SLC31A1: variants seen among roughly 807,000 people sequenced by gnomAD.
SLC31A1 encodes high affinity copper uptake protein 1.
SLC31A1 carries 5 observed loss-of-function variants against 17.2 expected under a neutral mutation model. The observed-to-expected ratio is 0.29, with a 90% CI of 0.15 to 0.61. The LOEUF is 0.61. SLC31A1 is among the 20% of genes least tolerant of loss of function. The probability of loss-of-function intolerance (pLI) is 0.86; values close to 1 mark genes in which losing one functional copy is unlikely to be tolerated. For synonymous variants in SLC31A1, 76 were observed against 78.8 expected (o/e 0.96, Z 0.19); for missense variants, 161 against 241.4 (o/e 0.67, Z 2.21).
chr9:113,236,359 GT>G, intron 1 of SLC31A1, among the ~76,000 whole-genome samples: 1 of 151,396 alleles, frequency 6.6e-6, no homozygotes, highest in South Asian at 2.1e-4. Context: ...TTTTTTTGTT[GT>G]TTTTTGTTTG....
At chr9:113,224,325 C>T (rs1587985260) in intron 1 of SLC31A1, among the ~76,000 whole-genome samples, 1 of 152,182 alleles carries the variant, frequency 6.6e-6, no homozygotes, top group East Asian at 1.9e-4. Context: ...ACTTGCAAAG[C>T]AGTCTCACTG....
At chr9:113,249,375 A>AT (rs1030046385) in intron 1 of SLC31A1, among the ~76,000 whole-genome samples, 3 of 124,950 alleles carry the variant, frequency 2.4e-5, no homozygotes, top group Admixed American at 8.0e-5. Flanking sequence ...TTATTTTTTT[A>AT]TTTTTTTTGA....
intron 1 of SLC31A1, among the ~76,000 whole-genome samples, chr9:113,254,909 A>C (rs1354131060): frequency 1.3e-5 from 2 of 152,160 alleles, no homozygotes; most frequent in African/African-American, 2.4e-5. Context: ...AAAAATAAAT[A>C]AATAAAAGGA....
At chr9:113,236,674 A>G (rs1418876146) in intron 1 of SLC31A1, among the ~76,000 whole-genome samples, 1 of 152,180 alleles carries the variant, frequency 6.6e-6, no homozygotes, top group African/African-American at 2.4e-5. Context: ...CACTGAAACT[A>G]TTCTTATATG....
At chr9:113,225,840 T>C (rs1041924279) in intron 1 of SLC31A1, among the ~76,000 whole-genome samples, 2 of 152,102 alleles carry the variant, frequency 1.3e-5, no homozygotes, top group African/African-American at 2.4e-5. Context: ...AAAGATGATA[T>C]AATAATCACT....
intron 1 of SLC31A1, among the ~76,000 whole-genome samples, chr9:113,237,621 T>C (rs1393851724): frequency 1.3e-5 from 2 of 152,244 alleles, no homozygotes; most frequent in South Asian, 2.1e-4. Flanking sequence ...AGGCTTCTAA[T>C]GATGACCACT....
intron 1 of SLC31A1, among the ~76,000 whole-genome samples, chr9:113,226,459 C>A (rs1020515673): frequency 6.6e-6 from 1 of 151,948 alleles, no homozygotes; most frequent in South Asian, 2.1e-4. Context: ...TATAGTAGGG[C>A]CTGGGAAGGA....
chr9:113,230,828 A>G (rs1831394300), intron 1 of SLC31A1, among the ~76,000 whole-genome samples: 1 of 152,076 alleles, frequency 6.6e-6, no homozygotes, highest in Non-Finnish European at 1.5e-5. Flanking sequence ...TCAGCCCCTC[A>G]TGCTTTCTTG....
intron 1 of SLC31A1, among the ~76,000 whole-genome samples, chr9:113,249,363 T>A (rs143034352): frequency 1.7e-4 from 26 of 151,826 alleles, no homozygotes; most frequent in African/African-American, 4.6e-4. Flanking sequence ...TTTGTTTTTT[T>A]TTTATTTTTT....
At position 113,262,356 on chromosome 9, in the gene SLC31A1, A is replaced by C. The variant is rs1206182772; in HGVS notation, c.*1883A>C. 1 of 152,676 alleles carries C rather than the reference A, an allele frequency of 6.5e-6. No homozygotes were observed. The highest frequency in any genetic ancestry group is 1.5e-5 in the Non-Finnish European group (1 of 68,058). The allele number at this position is 152,676 out of a possible 1,614,324, so 9.5% of individuals were successfully genotyped here. A position where few individuals can be genotyped will look rare whatever the true frequency, so the allele number is the denominator to read the frequency against. On this transcript the variant is annotated 3_prime_UTR_variant, in exon 5 of 5. Coordinates refer to ENST00000374212, the MANE Select transcript of SLC31A1 (RefSeq NM_001859.4). ...CAGTTGTAGTCTACACTGCAGTCTT[A>C]TTCCTGGTTCAAACTACCTCTTTAA...
intron 1 of SLC31A1, among the ~76,000 whole-genome samples, chr9:113,224,034 T>A (rs927524452): frequency 5.3e-5 from 8 of 152,246 alleles, no homozygotes; most frequent in African/African-American, 1.9e-4. Flanking sequence ...TCTTTTGCCA[T>A]TCTTTTAACA....
At chr9:113,242,188 C>CA (rs891607971) in intron 1 of SLC31A1, among the ~76,000 whole-genome samples, 247 of 135,816 alleles carry the variant, frequency 1.8e-3, no homozygotes, top group Middle Eastern at 0.012. Flanking sequence ...GACTCCGTCT[C>CA]AAAAAAAAAA....
In SLC31A1 at chr9:113,257,095, GT is replaced by G. The variant is rs747781431; in HGVS notation, c.130-14del. On this transcript the variant is annotated splice_polypyrimidine_tract_variant and intron_variant, in intron 2 of 4. Coordinates refer to ENST00000374212, the MANE Select transcript of SLC31A1 (RefSeq NM_001859.4). The stretch of plus-strand genomic sequence containing the variant: ...ATTTTCATTCATCTCTAACTGACTT[GT>G]TTTGGTTTTCTGGCAGCCTATGACC... 1.2e-6 allele frequency: 2 copies of G among 1,609,792 alleles called. No homozygotes were observed. The highest frequency in any genetic ancestry group is 1.7e-6 in the Non-Finnish European group (2 of 1,176,172).
intron 1 of SLC31A1, among the ~76,000 whole-genome samples, chr9:113,253,423 T>C (rs1346702988): frequency 1.3e-5 from 2 of 152,198 alleles, no homozygotes; most frequent in Admixed American, 6.6e-5. Flanking sequence ...TATTTTATTG[T>C]GTATTGTATT....
chr9:113,234,294 G>A (rs114818687), intron 1 of SLC31A1, among the ~76,000 whole-genome samples: 4,461 of 151,488 alleles, frequency 0.029, 86 homozygotes, highest in African/African-American at 0.037. Flanking sequence ...TCTGCCTCCC[G>A]GGTTCCTGAG....
At chr9:113,252,959 T>C (rs949527168) in intron 1 of SLC31A1, among the ~76,000 whole-genome samples, 1 of 137,800 alleles carries the variant, frequency 7.3e-6, no homozygotes, top group African/African-American at 2.7e-5. Flanking sequence ...TTTTTCTTTT[T>C]TTTTTTTTTT....
chr9:113,244,782 G>C (rs1401673189), intron 1 of SLC31A1, among the ~76,000 whole-genome samples: 4 of 152,186 alleles, frequency 2.6e-5, no homozygotes, highest in Non-Finnish European at 4.4e-5. Context: ...TGGTGGGTTT[G>C]GGATAACTAC....
At chr9:113,249,714 T>C (rs1831624418) in intron 1 of SLC31A1, among the ~76,000 whole-genome samples, 1 of 152,026 alleles carries the variant, frequency 6.6e-6, no homozygotes. Flanking sequence ...ACTTGGTAAA[T>C]AAAATATTTT....
At chr9:113,231,009 A>G (rs1409702883) in intron 1 of SLC31A1, among the ~76,000 whole-genome samples, 1 of 152,100 alleles carries the variant, frequency 6.6e-6, no homozygotes, top group Non-Finnish European at 1.5e-5. Flanking sequence ...GGTACTTCAT[A>G]ATACTTGTTG....
Sources: gnomAD v4.1 joint callset for allele counts (sites outside exome capture counted in the v4.1 genomes callset) on GRCh38, gnomAD v4.1.1 for gene constraint, MANE v1.5 for transcripts, NCBI Gene and HGNC (gene_info 2026-07-23, HGNC 2026-07-21) for gene names.